RARS2: variants seen among roughly 807,000 people sequenced by gnomAD.
The protein encoded by RARS2 is probable arginine--tRNA ligase, mitochondrial.
Under a neutral mutation model 88.5 loss-of-function variants are expected in RARS2, and 67 were observed. The observed-to-expected ratio is 0.76, with a 90% CI of 0.62 to 0.93. The LOEUF is 0.93. RARS2 is among the 40% of genes least tolerant of loss of function. RARS2 has a pLI of 0.00. For missense variants in RARS2, 664 were observed against 684.2 expected (o/e 0.97, Z 0.33); for synonymous variants, 239 against 230.3 (o/e 1.04, Z -0.34).
At chr6:87,564,019 C>T (rs1292621425) in intron 3 of RARS2, 111 bp downstream of exon 3, 2 of 788,134 alleles carry the variant, frequency 2.5e-6, no homozygotes, top group African/African-American at 1.7e-5. Flanking sequence ...ACACAAGATG[C>T]CTCAAAGAAA....
At chr6:87,561,176 C>T (rs1488099604) in intron 4 of RARS2, among the ~76,000 whole-genome samples, 1 of 152,112 alleles carries the variant, frequency 6.6e-6, no homozygotes, top group East Asian at 1.9e-4. Flanking sequence ...AAAAATAGCT[C>T]AGAGTAGTCT....
At chr6:87,563,293 A>T (rs772146796) in intron 3 of RARS2, among the ~76,000 whole-genome samples, 1 of 152,358 alleles carries the variant, frequency 6.6e-6, no homozygotes, top group East Asian at 1.9e-4. Context: ...ACTTGAAGAG[A>T]TATCTGCTGT....
chr6:87,515,031 A>AAG lies in RARS2; in HGVS notation c.1587-13_1587-12dup. The AAG allele has an allele frequency of 6.2e-7, 1 of 1,606,204 alleles. No homozygotes were observed. Among genetic ancestry groups the AAG allele is most frequent in the Non-Finnish European group, 8.5e-7 (1 of 1,172,786 alleles). ...ACAGCTGCAAGATGACTGAAACAGG[A>AAG]AGAGAGAAATCACGATAGTACCAGC... is the stretch of plus-strand genomic sequence containing the variant. On this transcript the variant is annotated splice_polypyrimidine_tract_variant and intron_variant, in intron 18 of 19. Transcript: ENST00000369536.
Position 87,529,642 on chromosome 6 carries a change from C to G in RARS2, c.778G>C (p.Gly260Arg). The change falls in exon 10 of 20, where the codon GGA becomes CGA. Residue 260 changes from glycine (G) to arginine (R), a missense_variant. Physicochemically the swap from Gly to Arg is moderately radical, Grantham distance 125 (BLOSUM62 -2). Coordinates refer to ENST00000369536, the MANE Select transcript of RARS2 (RefSeq NM_020320.5). Reference protein sequence around the residue: ...EEYIRVYKRLGVYFDEYSGES... With the variant: ...EEYIRVYKRLRVYFDEYSGES... ...CCTGAATATTCATCAAAATATACTC[C>G]CAGACGCTAAAAGAGTTCAGAAACA... is the stretch of plus-strand genomic sequence containing the variant. 3 of 1,595,970 alleles carry G rather than the reference C, an allele frequency of 1.9e-6. No individual in the cohort carries two copies. The highest frequency in any genetic ancestry group is 1.7e-6 in the Non-Finnish European group (2 of 1,163,622).
intron 8 of RARS2, among the ~76,000 whole-genome samples, chr6:87,532,830 A>C (rs1777941788): frequency 2.0e-5 from 3 of 152,212 alleles, no homozygotes; most frequent in African/African-American, 7.2e-5. Flanking sequence ...CCAGAACAAC[A>C]CATACAATGT....
chr6:87,582,872 T>C (rs1300596963), intron 1 of RARS2, among the ~76,000 whole-genome samples: 1 of 152,210 alleles, frequency 6.6e-6, no homozygotes, highest in Admixed American at 6.5e-5. Context: ...GTAGCTCCTC[T>C]ATCAAGCTAT....
chr6:87,544,107 G>A (rs936339432), intron 7 of RARS2, among the ~76,000 whole-genome samples: 2 of 152,170 alleles, frequency 1.3e-5, no homozygotes, highest in African/African-American at 2.4e-5. Flanking sequence ...CTGCTGTAAC[G>A]AAATCCTGCA....
chr6:87,544,599 G>A (rs571051215), intron 7 of RARS2, among the ~76,000 whole-genome samples: 7 of 152,264 alleles, frequency 4.6e-5, no homozygotes, highest in African/African-American at 1.7e-4. Context: ...ACACATGGTG[G>A]TAACAACAGA....
At chr6:87,563,107 C>CT (rs1484135752) in intron 3 of RARS2, among the ~76,000 whole-genome samples, 1 of 152,212 alleles carries the variant, frequency 6.6e-6, no homozygotes, top group Non-Finnish European at 1.5e-5. Flanking sequence ...ACGATGAACA[C>CT]TTTTTATCTC....
At chr6:87,562,855 C>T in intron 3 of RARS2, 70 bp from the exon 4 acceptor site, 4 of 1,231,468 alleles carry the variant, frequency 3.2e-6, no homozygotes, top group East Asian at 4.7e-5. Context: ...AGTTCTAATG[C>T]TATTTTTGGC....
chr6:87,543,701 G>C (rs550342342), intron 7 of RARS2, among the ~76,000 whole-genome samples: 2 of 152,088 alleles, frequency 1.3e-5, no homozygotes, highest in Non-Finnish European at 2.9e-5. Flanking sequence ...GATCTAAAGG[G>C]CTTTACTGAT....
At chr6:87,521,570 G>A (rs751079014) in intron 11 of RARS2, 46 bp from the exon 12 acceptor site, 7 of 1,452,330 alleles carry the variant, frequency 4.8e-6, no homozygotes, top group Non-Finnish European at 6.8e-6. Context: ...GCAGATCCGG[G>A]TAATAATTGG....
chr6:87,529,458 T>C, intron 10 of RARS2, 84 bp downstream of exon 10: 1 of 905,496 alleles, frequency 1.1e-6, no homozygotes, highest in Non-Finnish European at 1.8e-6. Flanking sequence ...GCACATTGCA[T>C]TCTGTTGTCC....
At chr6:87,530,130 C>A (rs907297827) in intron 9 of RARS2, among the ~76,000 whole-genome samples, 5 of 152,166 alleles carry the variant, frequency 3.3e-5, no homozygotes, top group African/African-American at 9.7e-5. Context: ...GCCACAGATA[C>A]AGAAGATTCC....
intron 4 of RARS2, among the ~76,000 whole-genome samples, chr6:87,561,281 T>C (rs533397376): frequency 2.2e-4 from 33 of 152,308 alleles, no homozygotes; most frequent in African/African-American, 7.2e-4. Flanking sequence ...AATTGTTTTA[T>C]GTGATTTTGT....
At chr6:87,564,925 G>A (rs989217141) in intron 2 of RARS2, among the ~76,000 whole-genome samples, 2 of 126,104 alleles carry the variant, frequency 1.6e-5, no homozygotes, top group Non-Finnish European at 3.5e-5. Flanking sequence ...AGGCGTGGTG[G>A]CATGTGCCCG....
intron 1 of RARS2, among the ~76,000 whole-genome samples, chr6:87,579,645 G>A (rs1247556916): frequency 6.7e-6 from 1 of 149,504 alleles, no homozygotes; most frequent in African/African-American, 2.5e-5. Context: ...TCTCAAATGG[G>A]TGCAGCATAA....
At chr6:87,553,609 C>A (rs866619553) in intron 5 of RARS2, among the ~76,000 whole-genome samples, 1 of 152,128 alleles carries the variant, frequency 6.6e-6, no homozygotes, top group Non-Finnish European at 1.5e-5. Flanking sequence ...CAAAAACAAG[C>A]GGCAAACTGG....
chr6:87,588,181 C>CT (rs1250313479), intron 1 of RARS2, among the ~76,000 whole-genome samples: 2 of 152,172 alleles, frequency 1.3e-5, no homozygotes, highest in African/African-American at 2.4e-5. Context: ...AACGTCCACC[C>CT]TTACACACAG....
Sources: gnomAD v4.1 joint callset for allele counts (sites outside exome capture counted in the v4.1 genomes callset) on GRCh38, gnomAD v4.1.1 for gene constraint, MANE v1.5 for transcripts, NCBI Gene and HGNC (gene_info 2026-07-23, HGNC 2026-07-21) for gene names.